Variants in PTPRT observed in about 807,000 individuals in gnomAD.
PTPRT encodes receptor-type tyrosine-protein phosphatase T.
Under a neutral mutation model 176.8 loss-of-function variants are expected in PTPRT, and 56 were observed. The ratio of observed to expected loss-of-function variants is 0.32; its 90% CI spans 0.26 to 0.40. The LOEUF (loss-of-function observed/expected upper bound fraction) is 0.40. Ranked by LOEUF, PTPRT falls within the 10% of genes least tolerant of loss-of-function variation. The pLI, the probability that PTPRT is intolerant of heterozygous loss-of-function variation, is 1.00. For missense variants in PTPRT, 1,540 were observed against 1,908.2 expected, an observed-to-expected ratio of 0.81 and a Z score of 3.60; for synonymous variants, 783 against 739.0, an observed-to-expected ratio of 1.06 and a Z score of -0.96.
In PTPRT at chr20:42,419,539, G is replaced by T. The variant is rs150471560; in HGVS notation, c.1560+28681C>A. Among the ~76,000 whole-genome samples, 1,066 of 152,230 alleles carry T rather than the reference G, an allele frequency of 7.0e-3. 1 individual carries two copies. Among genetic ancestry groups the T allele is most frequent in the Admixed American group, 0.012 (190 of 15,302 alleles). On this transcript the variant is annotated intron_variant, in intron 9 of 30. Coordinates refer to ENST00000373187, the MANE Select transcript of PTPRT (RefSeq NM_007050.6). ...CAGGCAATAGTACTTTCTGGCATGT[G>T]GTTTAGATGTTAAGCACTGTGGATG...
At chr20:42,735,288 G>T (rs1199634814) in intron 6 of PTPRT, among the ~76,000 whole-genome samples, 1 of 152,102 alleles carries the variant, frequency 6.6e-6, no homozygotes, top group African/African-American at 2.4e-5. Flanking sequence ...GTGACTAGAG[G>T]AGAGGGAAAC....
intron 7 of PTPRT, among the ~76,000 whole-genome samples, chr20:42,665,824 TCAGCAAACTCTCG>T (rs1232003315): frequency 6.6e-6 from 1 of 151,628 alleles, no homozygotes; most frequent in African/African-American, 2.4e-5. Flanking sequence ...ATCATCATTC[TCAGCAAACTCTCG>T]CAAGGACAAA....
chr20:42,646,020 T>C lies in PTPRT; in HGVS notation c.1153+31846A>G, dbSNP rs554758802. ...GCTTGTAGTGAACACACAAAAAGAA[T>C]TGTTGATTATTGTAGTAGACACTGT... is the stretch of plus-strand genomic sequence containing the variant. On this transcript the variant is annotated intron_variant, in intron 7 of 30. Transcript: ENST00000373187. 5.1e-4 allele frequency among the ~76,000 whole-genome samples: 78 copies of C among 152,160 alleles called. 1 individual carries two copies. Among genetic ancestry groups the C allele is most frequent in the Middle Eastern group, 3.4e-3 (1 of 294 alleles).
At chr20:42,072,000 C>T (rs1388472207), downstream of PTPRT, among the ~76,000 whole-genome samples, 1 of 152,150 alleles carries the variant, frequency 6.6e-6, no homozygotes, top group Non-Finnish European at 1.5e-5. Flanking sequence ...GGGTCTATGT[C>T]AAGAAGTAGA....
intron 13 of PTPRT, among the ~76,000 whole-genome samples, chr20:42,281,883 A>G (rs971144379): frequency 6.6e-6 from 1 of 152,232 alleles, no homozygotes; most frequent in Admixed American, 6.5e-5. Flanking sequence ...TTTTTTAAAA[A>G]GAGTAATAAA....
chr20:43,144,878 A>G (rs2014123284), intron 1 of PTPRT, among the ~76,000 whole-genome samples: 1 of 152,240 alleles, frequency 6.6e-6, no homozygotes, highest in Non-Finnish European at 1.5e-5. Flanking sequence ...CTGGGAATGC[A>G]GTCATCAGTT....
chr20:42,210,947 G>C (rs2055609396), intron 15 of PTPRT, among the ~76,000 whole-genome samples: 1 of 151,176 alleles, frequency 6.6e-6, no homozygotes, highest in Non-Finnish European at 1.5e-5. Flanking sequence ...CCAAAACAGA[G>C]ATATAGATCA....
intron 1 of PTPRT, among the ~76,000 whole-genome samples, chr20:42,887,950 C>T (rs944221888): frequency 2.0e-5 from 3 of 152,264 alleles, no homozygotes; most frequent in African/African-American, 7.2e-5. Flanking sequence ...CTAGGCAAAT[C>T]GTTCACCCCT....
intron 7 of PTPRT, among the ~76,000 whole-genome samples, chr20:42,596,646 A>T (rs180940379): frequency 1.2e-4 from 18 of 152,364 alleles, no homozygotes; most frequent in African/African-American, 3.6e-4. Context: ...ACTCTCACAA[A>T]TCAGTAAGAA....
At position 42,941,427 on chromosome 20, in the gene PTPRT, C is replaced by A. The variant is rs141858711; in HGVS notation, c.89-55495G>T. ...TGACTCTCCTTTTCTGTAAAATATA[C>A]CTGGTCATCTAGAAAATTTGCAATT... On this transcript the variant is annotated intron_variant, in intron 1 of 30. Coordinates refer to ENST00000373187, the MANE Select transcript of PTPRT (RefSeq NM_007050.6). 4.5e-4 allele frequency among the ~76,000 whole-genome samples: 69 copies of A among 152,292 alleles called. No individual in the cohort carries two copies. In the East Asian group the frequency reaches 0.012, roughly 27 times the overall value.
chr20:42,424,153 T>G (rs1452724278), intron 9 of PTPRT, among the ~76,000 whole-genome samples: 1 of 152,238 alleles, frequency 6.6e-6, no homozygotes, highest in South Asian at 2.1e-4. Context: ...TTTTATTTTT[T>G]ATTTTTTGGC....
intron 16 of PTPRT, among the ~76,000 whole-genome samples, chr20:42,186,592 G>A (rs1164852945): frequency 6.6e-6 from 1 of 152,070 alleles, no homozygotes; most frequent in African/African-American, 2.4e-5. Flanking sequence ...AGAAGGACAA[G>A]ACCTGTATGT....
chr20:42,561,318 C>T (rs1445315608), intron 7 of PTPRT, among the ~76,000 whole-genome samples: 21 of 152,204 alleles, frequency 1.4e-4, no homozygotes, highest in Non-Finnish European at 2.9e-5. Flanking sequence ...AGGGCTGAGG[C>T]CAAGGGCAGA....
At chr20:42,201,425 T>C (rs1991442498) in intron 15 of PTPRT, among the ~76,000 whole-genome samples, 1 of 152,170 alleles carries the variant, frequency 6.6e-6, no homozygotes, top group Admixed American at 6.5e-5. Context: ...ATGAATCTCA[T>C]GCTCTAGGTG....
intron 24 of PTPRT, among the ~76,000 whole-genome samples, 177 bp from the exon 25 acceptor site, chr20:42,104,895 A>T (rs891401648): frequency 6.6e-6 from 1 of 152,162 alleles, no homozygotes; most frequent in African/African-American, 2.4e-5. Context: ...CCTAATGATC[A>T]CCTGAGCTAT....
intron 1 of PTPRT, among the ~76,000 whole-genome samples, chr20:42,944,423 C>T (rs533805689): frequency 6.6e-6 from 1 of 152,334 alleles, no homozygotes; most frequent in African/African-American, 2.4e-5. Flanking sequence ...CACACCAGTG[C>T]CTGCACTGGC....
chr20:42,034,273 G>A, the PTPRT span, among the ~76,000 whole-genome samples: 1 of 152,270 alleles, frequency 6.6e-6, no homozygotes, highest in Admixed American at 6.5e-5. Flanking sequence ...TTGGACTGAG[G>A]GCCTCAGTTC....
chr20:43,049,170 G>A (rs1355637620), intron 1 of PTPRT, among the ~76,000 whole-genome samples: 1 of 152,150 alleles, frequency 6.6e-6, no homozygotes, highest in East Asian at 1.9e-4. Flanking sequence ...CAGGTCCATG[G>A]TGGTAGAGCA....
At chr20:42,274,747 G>T (rs2057000532) in intron 13 of PTPRT, among the ~76,000 whole-genome samples, 1 of 152,042 alleles carries the variant, frequency 6.6e-6, no homozygotes, top group Non-Finnish European at 1.5e-5. Flanking sequence ...TAATTTTTTG[G>T]TTTATTAGCT....
Sources: gnomAD v4.1 joint callset for allele counts (sites outside exome capture counted in the v4.1 genomes callset) on GRCh38, gnomAD v4.1.1 for gene constraint, MANE v1.5 for transcripts, NCBI Gene and HGNC (gene_info 2026-07-23, HGNC 2026-07-21) for gene names.